Variants in EPHA6 observed in about 807,000 individuals in gnomAD.
EPHA6 encodes EPH receptor A6.
A neutral mutation model predicts 112.0 loss-of-function variants in EPHA6; 50 were observed. The ratio of observed to expected loss-of-function variants is 0.45; its 90% CI spans 0.36 to 0.56. EPHA6 has a LOEUF of 0.56. Among genes scored for constraint, EPHA6 ranks in the 20% least tolerant of loss-of-function variants. EPHA6 has a pLI of 0.00. For synonymous variants in EPHA6, 529 were observed against 490.7 expected, an observed-to-expected ratio of 1.08 and a Z score of -1.03; for missense variants, 1,280 against 1,417.4, an observed-to-expected ratio of 0.90 and a Z score of 1.56.
chr3:97,416,821 T>C (rs2088169414), intron 6 of EPHA6, among the ~76,000 whole-genome samples: 1 of 152,126 alleles, frequency 6.6e-6, no homozygotes, highest in Admixed American at 6.6e-5. Flanking sequence ...TCTTTATATC[T>C]TTCATCAATA....
intron 14 of EPHA6, among the ~76,000 whole-genome samples, chr3:97,645,474 A>G (rs2094051318): frequency 7.4e-6 from 1 of 136,052 alleles, no homozygotes; most frequent in Admixed American, 7.8e-5. Context: ...ATGAGATCAC[A>G]TGGACACAGG....
intron 4 of EPHA6, among the ~76,000 whole-genome samples, chr3:97,229,031 G>T (rs2078444313): frequency 6.6e-6 from 1 of 152,084 alleles, no homozygotes. Flanking sequence ...TTTGAGAATT[G>T]TCTATCCATG....
intron 14 of EPHA6, among the ~76,000 whole-genome samples, chr3:97,695,726 A>G (rs1206167135): frequency 6.6e-6 from 1 of 152,124 alleles, no homozygotes; most frequent in African/African-American, 2.4e-5. Flanking sequence ...TTTTTAGTAG[A>G]GATGGGGTTT....
chr3:97,061,177 A>G (rs1430491073), intron 3 of EPHA6, among the ~76,000 whole-genome samples: 4 of 152,160 alleles, frequency 2.6e-5, no homozygotes, highest in Admixed American at 2.0e-4. Context: ...TGTATGTGGT[A>G]TATAGATTTT....
At chr3:97,107,137 A>G (rs908069268) in intron 3 of EPHA6, among the ~76,000 whole-genome samples, 1 of 152,120 alleles carries the variant, frequency 6.6e-6, no homozygotes, top group Non-Finnish European at 1.5e-5. Context: ...ATAGATTAAT[A>G]TTTTAATTTT....
At chr3:97,441,841 C>G (rs1445853126) in intron 6 of EPHA6, among the ~76,000 whole-genome samples, 1 of 151,990 alleles carries the variant, frequency 6.6e-6, no homozygotes, top group Non-Finnish European at 1.5e-5. Flanking sequence ...TAAGTTAATT[C>G]TCTCGGAGTT....
chr3:97,592,800 A>T, intron 12 of EPHA6, 63 bp downstream of exon 12: 2 of 1,459,354 alleles, frequency 1.4e-6, no homozygotes, highest in Non-Finnish European at 1.8e-6. Flanking sequence ...CTCATAGTTG[A>T]TAGGCCCCAA....
chr3:97,197,805 G>C (rs2108491589), intron 3 of EPHA6, among the ~76,000 whole-genome samples: 2 of 152,108 alleles, frequency 1.3e-5, no homozygotes, highest in Admixed American at 1.3e-4. Context: ...GAACCCCATA[G>C]CATTTTAGCC....
chr3:97,105,545 CT>C (rs1371402713), intron 3 of EPHA6, among the ~76,000 whole-genome samples: 1 of 151,998 alleles, frequency 6.6e-6, no homozygotes, highest in African/African-American at 2.4e-5. Flanking sequence ...TTCTTTTGCA[CT>C]TGCTGAGGAT....
At chr3:97,736,284 C>G (rs1443189810) in intron 16 of EPHA6, among the ~76,000 whole-genome samples, 166 bp downstream of exon 16, 1 of 151,780 alleles carries the variant, frequency 6.6e-6, no homozygotes, top group Non-Finnish European at 1.5e-5. Flanking sequence ...GAATTATTAA[C>G]ATTAAAGTAA....
chr3:97,639,000 G>A (rs1235090449), intron 14 of EPHA6, among the ~76,000 whole-genome samples: 1 of 151,900 alleles, frequency 6.6e-6, no homozygotes, highest in African/African-American at 2.4e-5. Context: ...AAACTTTGCT[G>A]TATTCAGTTA....
chr3:97,473,657 T>C lies in EPHA6; in HGVS notation c.1895-1695T>C, dbSNP rs73133088. Among the ~76,000 whole-genome samples the C allele has an allele frequency of 5.5e-3, 840 of 152,010 alleles. 3 individuals are homozygous for C. The highest frequency in any genetic ancestry group is 0.01 in the Middle Eastern group (3 of 292). On this transcript the variant is annotated intron_variant, in intron 7 of 17. Transcript: ENST00000389672. ...GCCATCTGCTTTATCTTCAAAAAGA[T>C]AATGCTTTCTAGAACAACTATTTCT...
chr3:97,660,228 C>G (rs2094161280), intron 14 of EPHA6, among the ~76,000 whole-genome samples: 1 of 152,060 alleles, frequency 6.6e-6, no homozygotes, highest in South Asian at 2.1e-4. Flanking sequence ...TTTAATATCA[C>G]TGTATATTCA....
chr3:97,646,204 C>A (rs779974352), intron 14 of EPHA6: 1 of 1,535,686 alleles, frequency 6.5e-7, no homozygotes, highest in Non-Finnish European at 8.7e-7. Flanking sequence ...GAGTCCAGCT[C>A]TGGTTATGGT....
At position 97,690,535 on chromosome 3, in the gene EPHA6, G is replaced by A. The variant is rs1477982657; in HGVS notation, c.2785-29726G>A. 8.0e-5 allele frequency among the ~76,000 whole-genome samples: 12 copies of A among 150,546 alleles called. No individual in the cohort carries two copies. The East Asian group carries it at 2.0e-3, about 25-fold the overall frequency. Reference sequence around the variant, plus strand: ...CAGGCTGGAGCGTAGTGGCACAATCGAGGCTCACTGCAACCTCCACCTCCT... The same window carrying A: ...CAGGCTGGAGCGTAGTGGCACAATCAAGGCTCACTGCAACCTCCACCTCCT... On this transcript the variant is annotated intron_variant, in intron 14 of 17. Coordinates refer to ENST00000389672, the MANE Select transcript of EPHA6 (RefSeq NM_001080448.3).
In EPHA6 at chr3:97,415,853, A is replaced by G. The variant is rs1046156049; in HGVS notation, c.1731+10579A>G. Among the ~76,000 whole-genome samples, 8 of 152,202 alleles carry G rather than the reference A, an allele frequency of 5.3e-5. No individual in the cohort carries two copies. In the East Asian group the frequency reaches 9.7e-4, roughly 18 times the overall value. ...ATGCCTGCATTCTGCATTCAGAAAC[A>G]TTGGTTGAATTTGTTTGTTGATTTA... is the stretch of plus-strand genomic sequence containing the variant. On this transcript the variant is annotated intron_variant, in intron 6 of 17. Transcript: ENST00000389672.
At chr3:97,283,960 A>C (rs1311844348) in intron 5 of EPHA6, among the ~76,000 whole-genome samples, 2 of 152,174 alleles carry the variant, frequency 1.3e-5, no homozygotes, top group African/African-American at 4.8e-5. Flanking sequence ...TTTACCTAGA[A>C]ATATAATAAA....
At chr3:97,005,923 C>T (rs1189069064) in intron 3 of EPHA6, among the ~76,000 whole-genome samples, 1 of 151,982 alleles carries the variant, frequency 6.6e-6, no homozygotes, top group Admixed American at 6.6e-5. Context: ...TTACATTTAT[C>T]GATTTGGGTA....
At chr3:97,210,874 T>G (rs945124558) in intron 3 of EPHA6, among the ~76,000 whole-genome samples, 1 of 152,148 alleles carries the variant, frequency 6.6e-6, no homozygotes, top group African/African-American at 2.4e-5. Context: ...AGGATCTACA[T>G]TCTAGATGGG....
Sources: gnomAD v4.1 joint callset for allele counts (sites outside exome capture counted in the v4.1 genomes callset) on GRCh38, gnomAD v4.1.1 for gene constraint, MANE v1.5 for transcripts, NCBI Gene and HGNC (gene_info 2026-07-23, HGNC 2026-07-21) for gene names.